Variants in NFATC2 observed in about 807,000 individuals in gnomAD.
NFATC2 encodes the protein nuclear factor of activated T-cells, cytoplasmic 2.
Under a neutral mutation model 87.3 loss-of-function variants are expected in NFATC2, and 22 were observed. The observed-to-expected ratio is 0.25, with a 90% confidence interval of 0.18 to 0.36. The LOEUF (loss-of-function observed/expected upper bound fraction) is 0.36. Ranked by LOEUF, NFATC2 falls within the 10% of genes least tolerant of loss-of-function variation. NFATC2 has a pLI of 1.00. For synonymous variants in NFATC2, 565 were observed against 542.2 expected (o/e 1.04, Z -0.58); for missense variants, 1,149 against 1,259.1 (o/e 0.91, Z 1.32).
At chr20:51,522,409 A>T (rs926740071) in intron 2 of NFATC2, among the ~76,000 whole-genome samples, 1 of 152,164 alleles carries the variant, frequency 6.6e-6, no homozygotes, top group African/African-American at 2.4e-5. Context: ...CAAGCACAGC[A>T]GCAGAAAGGC....
At chr20:51,485,672 C>T (rs557413508) in intron 3 of NFATC2, among the ~76,000 whole-genome samples, 1 of 152,256 alleles carries the variant, frequency 6.6e-6, no homozygotes, top group African/African-American at 2.4e-5. Context: ...GGCATTGGCA[C>T]TTAATGTGTC....
chr20:51,460,639 C>CT (rs11479407), intron 5 of NFATC2, among the ~76,000 whole-genome samples: 30 of 145,818 alleles, frequency 2.1e-4, no homozygotes, highest in African/African-American at 7.1e-4. Flanking sequence ...GTTTCTTCTT[C>CT]TTTTTTTTTT....
At chr20:51,468,691 G>A (rs560431501) in intron 5 of NFATC2, among the ~76,000 whole-genome samples, 6 of 152,322 alleles carry the variant, frequency 3.9e-5, no homozygotes, top group East Asian at 3.9e-4. Context: ...CCTGGAGACC[G>A]TCACCATGTG....
At chr20:51,522,490 A>C (rs1038649455) in intron 2 of NFATC2, among the ~76,000 whole-genome samples, 44 of 151,006 alleles carry the variant, frequency 2.9e-4, no homozygotes, top group Non-Finnish European at 1.5e-4. Flanking sequence ...GCCTTAAGAG[A>C]CTCCAAAGCC....
chr20:51,511,591 T>C (rs543156939), intron 3 of NFATC2, among the ~76,000 whole-genome samples: 108 of 152,360 alleles, frequency 7.1e-4, no homozygotes, highest in African/African-American at 2.6e-3. Context: ...TCCCAAGTCC[T>C]TCTCCGCCAT....
chr20:51,392,248 A>C (rs1986447610), intron 10 of NFATC2, among the ~76,000 whole-genome samples: 1 of 152,250 alleles, frequency 6.6e-6, no homozygotes, highest in Admixed American at 6.5e-5. Flanking sequence ...CTAGCCATCA[A>C]CATAAACATA....
chr20:51,391,425 A>C lies in NFATC2; in HGVS notation c.*71T>G, dbSNP rs377609235. On this transcript the variant is annotated 3_prime_UTR_variant, in exon 11 of 11. Coordinates refer to ENST00000371564, the MANE Select transcript of NFATC2 (RefSeq NM_012340.5). ...GTCTGATTTCTGGCAGGAGGTCCTG[A>C]AAACTCCTTCCTGATAATTTCATTA... The C allele has an allele frequency of 6.2e-7, 1 of 1,603,958 alleles. No individual in the cohort carries two copies. Among genetic ancestry groups the C allele is most frequent in the South Asian group, 1.1e-5 (1 of 90,840 alleles).
At chr20:51,492,536 T>G (rs998629985) in intron 3 of NFATC2, among the ~76,000 whole-genome samples, 2 of 152,198 alleles carry the variant, frequency 1.3e-5, no homozygotes, top group East Asian at 3.9e-4. Context: ...AGGGGAAAGC[T>G]TTTCCTCTCT....
intron 5 of NFATC2, among the ~76,000 whole-genome samples, chr20:51,467,354 C>T (rs1449961826): frequency 6.6e-6 from 1 of 151,842 alleles, no homozygotes; most frequent in African/African-American, 2.4e-5. Flanking sequence ...GTCAGGAGTT[C>T]GAGACCAGCC....
intron 9 of NFATC2, among the ~76,000 whole-genome samples, chr20:51,424,595 C>T (rs1376817831): frequency 6.6e-6 from 1 of 152,168 alleles, no homozygotes; most frequent in Non-Finnish European, 1.5e-5. Flanking sequence ...GAGAGCCAGG[C>T]AGGACAACCA....
chr20:51,451,384 G>A (rs889873542), intron 6 of NFATC2, among the ~76,000 whole-genome samples: 1 of 152,212 alleles, frequency 6.6e-6, no homozygotes, highest in Non-Finnish European at 1.5e-5. Flanking sequence ...TGCCCCCCAG[G>A]GCAAATTTGG....
At position 51,534,666 on chromosome 20, in the gene NFATC2, G is replaced by C. The variant is rs574258069; in HGVS notation, c.130+7704C>G. On this transcript the variant is annotated intron_variant, in intron 1 of 10. Coordinates refer to ENST00000371564, the MANE Select transcript of NFATC2 (RefSeq NM_012340.5). ...TTTTTAAAATATGCATCACTTACAT[G>C]AAGTAAAATGCACAAATATTTCACA... is the stretch of plus-strand genomic sequence containing the variant. 1.3e-3 allele frequency among the ~76,000 whole-genome samples: 200 copies of C among 152,296 alleles called. 1 individual carries two copies. The highest frequency in any genetic ancestry group is 9.3e-3 in the South Asian group (45 of 4,822).
rs149783866 is a variant in NFATC2, at chr20:51,443,638, T to C, written c.1850-7877A>G. ...GACCAGAAGTTCCGTATAATCCACC[T>C]CCCAACCCACACCTTGGGTCTGGGA... On this transcript the variant is annotated intron_variant, in intron 6 of 10. Transcript: ENST00000371564. Among the ~76,000 whole-genome samples the C allele has an allele frequency of 6.5e-3, 985 of 152,110 alleles. 11 individuals are homozygous for C. Among genetic ancestry groups the C allele is most frequent in the African/African-American group, 0.023 (945 of 41,500 alleles).
intron 1 of NFATC2, among the ~76,000 whole-genome samples, chr20:51,530,883 A>G (rs2146756380): frequency 6.6e-6 from 1 of 152,258 alleles, no homozygotes; most frequent in Middle Eastern, 3.4e-3. Context: ...ATTGAAGTCT[A>G]TCTATGGATT....
Position 51,468,442 on chromosome 20 carries a change from A to G in NFATC2, c.1708+5538T>C, listed in dbSNP as rs1436901898. Among the ~76,000 whole-genome samples the G allele has an allele frequency of 3.3e-5, 5 of 152,362 alleles. No homozygotes were observed. The East Asian group carries it at 5.8e-4, about 18-fold the overall frequency. On this transcript the variant is annotated intron_variant, in intron 5 of 10. Coordinates refer to ENST00000371564, the MANE Select transcript of NFATC2 (RefSeq NM_012340.5). Reference sequence around the variant, plus strand: ...TGCAAAATGAGCAAAGCGAATTTACATTCTGTGCCCTGAGCTGGCAGGGCT... The same window carrying G: ...TGCAAAATGAGCAAAGCGAATTTACGTTCTGTGCCCTGAGCTGGCAGGGCT...
upstream of NFATC2, among the ~76,000 whole-genome samples, chr20:51,545,087 T>C (rs2076878282): frequency 6.6e-6 from 1 of 152,176 alleles, no homozygotes; most frequent in African/African-American, 2.4e-5. Flanking sequence ...AGAGATGGAT[T>C]CTTCTGGGTC....
At chr20:51,491,284 TAA>T (rs879352877) in intron 3 of NFATC2, among the ~76,000 whole-genome samples, 1 of 143,306 alleles carries the variant, frequency 7.0e-6, no homozygotes, top group Non-Finnish European at 1.5e-5. Context: ...TGGACAAGGT[TAA>T]AAAAAAAAAA....
chr20:51,491,025 G>C (rs1350649198), intron 3 of NFATC2, among the ~76,000 whole-genome samples: 1 of 152,146 alleles, frequency 6.6e-6, no homozygotes, highest in Non-Finnish European at 1.5e-5. Flanking sequence ...AGACACAAGA[G>C]GTGCTCAGCA....
At chr20:51,499,731 G>C (rs538550829) in intron 3 of NFATC2, among the ~76,000 whole-genome samples, 5 of 149,380 alleles carry the variant, frequency 3.3e-5, no homozygotes, top group Non-Finnish European at 5.9e-5. Flanking sequence ...GACAGAGCAA[G>C]ACTCCATCTT....
Sources: gnomAD v4.1 joint callset for allele counts (sites outside exome capture counted in the v4.1 genomes callset) on GRCh38, gnomAD v4.1.1 for gene constraint, MANE v1.5 for transcripts, NCBI Gene and HGNC (gene_info 2026-07-23, HGNC 2026-07-21) for gene names.